Variants in LYPD6B observed in about 807,000 individuals in gnomAD.
LYPD6B encodes the protein LY6/PLAUR domain containing 6B.
In LYPD6B, 17 loss-of-function variants were observed where a neutral mutation model predicts 22.8. The ratio of observed to expected loss-of-function variants is 0.75; its 90% CI spans 0.51 to 1.12. The LOEUF (loss-of-function observed/expected upper bound fraction) is 1.12. Ranked by LOEUF, LYPD6B falls within the 50% of genes most tolerant of loss-of-function variation. LYPD6B has a pLI of 0.00. For missense variants in LYPD6B, 221 were observed against 258.3 expected (o/e 0.86, Z 0.99); for synonymous variants, 106 against 91.6 (o/e 1.16, Z -0.90).
chr2:149,041,147 A>G (rs1164497651), intron 1 of LYPD6B, among the ~76,000 whole-genome samples: 1 of 150,898 alleles, frequency 6.6e-6, no homozygotes, highest in Admixed American at 6.6e-5. Context: ...TCTAGGAGAA[A>G]AATTCTAGGC....
intron 3 of LYPD6B, among the ~76,000 whole-genome samples, chr2:149,165,544 A>G (rs1690364704): frequency 6.6e-6 from 1 of 152,200 alleles, no homozygotes; most frequent in South Asian, 2.1e-4. Context: ...CAACACAAGC[A>G]GGCACTAATA....
At chr2:149,213,156 T>G (rs1693983896) in intron 6 of LYPD6B, 34 bp downstream of exon 6, 6 of 1,610,984 alleles carry the variant, frequency 3.7e-6, no homozygotes, top group Non-Finnish European at 5.1e-6. Context: ...TTGTCTAAAC[T>G]TTCATCCTAG....
chr2:149,158,377 G>A (rs1432384030), intron 2 of LYPD6B, among the ~76,000 whole-genome samples: 5 of 152,176 alleles, frequency 3.3e-5, no homozygotes, highest in African/African-American at 1.2e-4. Flanking sequence ...CCACATGGAT[G>A]AAACTTGAAA....
chr2:149,098,642 A>G (rs898992445), intron 1 of LYPD6B, among the ~76,000 whole-genome samples: 5 of 150,568 alleles, frequency 3.3e-5, no homozygotes, highest in South Asian at 2.1e-4. Flanking sequence ...AAAAAAAAAA[A>G]AAAAAAAGAA....
intron 1 of LYPD6B, among the ~76,000 whole-genome samples, chr2:149,046,134 T>C (rs574042387): frequency 6.6e-6 from 1 of 152,320 alleles, no homozygotes; most frequent in South Asian, 2.1e-4. Context: ...CCCTTTCTTA[T>C]TATGTGATGT....
At chr2:149,180,654 G>A (rs1459308003) in intron 3 of LYPD6B, among the ~76,000 whole-genome samples, 1 of 152,212 alleles carries the variant, frequency 6.6e-6, no homozygotes, top group Non-Finnish European at 1.5e-5. Context: ...ACAGGCTCCC[G>A]GTCTCACTTC....
intron 1 of LYPD6B, among the ~76,000 whole-genome samples, chr2:149,116,449 A>C (rs1045065361): frequency 6.6e-6 from 1 of 152,156 alleles, no homozygotes; most frequent in Non-Finnish European, 1.5e-5. Context: ...AGGTATAAAG[A>C]ATTCTTAAAA....
intron 2 of LYPD6B, among the ~76,000 whole-genome samples, chr2:149,147,876 TTGGC>T (rs1364601790): frequency 4.2e-4 from 62 of 148,484 alleles, no homozygotes; most frequent in Non-Finnish European, 1.3e-4. Flanking sequence ...GCTTGGCTGA[TTGGC>T]TGATTGCAAA....
At chr2:149,095,236 C>T (rs1685850131) in intron 1 of LYPD6B, among the ~76,000 whole-genome samples, 1 of 152,096 alleles carries the variant, frequency 6.6e-6, no homozygotes, top group South Asian at 2.1e-4. Context: ...GCAGAGGTTG[C>T]AGTGAGCTGA....
At position 149,212,338 on chromosome 2, in the gene LYPD6B, C is replaced by T. The variant is rs376466454; in HGVS notation, c.329-654C>T. Among the ~76,000 whole-genome samples, 18 of 130,686 alleles carry T rather than the reference C, an allele frequency of 1.4e-4. No homozygotes were observed. The Admixed American group carries it at 1.5e-3, about 11-fold the overall frequency. 85.7% of individuals were successfully genotyped at this position (130,686 alleles called of 152,430 possible). On this transcript the variant is annotated intron_variant, in intron 5 of 6. Coordinates refer to ENST00000409642, the MANE Select transcript of LYPD6B (RefSeq NM_177964.5). ...CAGGGCTTGCAGTGAGCCGAGATCACGCCACTGCACTCCAGCCTGGGGACA... is the reference window on the plus strand; with the variant it reads ...CAGGGCTTGCAGTGAGCCGAGATCATGCCACTGCACTCCAGCCTGGGGACA...
intron 1 of LYPD6B, chr2:149,068,825 C>T (rs1684460666): frequency 9.8e-6 from 4 of 408,710 alleles, no homozygotes; most frequent in South Asian, 8.4e-5. Context: ...ACATCATGTG[C>T]CTGAGAAGTC....
At chr2:149,200,118 A>C (rs150063234) in intron 3 of LYPD6B, among the ~76,000 whole-genome samples, 67 of 152,296 alleles carry the variant, frequency 4.4e-4, no homozygotes, top group African/African-American at 1.4e-3. Flanking sequence ...CCTGTTAAAG[A>C]TGTCATTAAA....
At chr2:149,114,704 C>T (rs757918622) in intron 1 of LYPD6B, among the ~76,000 whole-genome samples, 6 of 152,292 alleles carry the variant, frequency 3.9e-5, no homozygotes, top group South Asian at 2.1e-4. Flanking sequence ...TTCATTTTAA[C>T]GTCAACCAGT....
At position 149,214,823 on chromosome 2, in the gene LYPD6B, T is replaced by C. The variant is rs1160660174; in HGVS notation, c.*113T>C. ...TCTTGCACTTGGTGAAGAGTGCACA[T>C]TGGACCTCAAGGCGAAAGCCAGTGG... On this transcript the variant is annotated 3_prime_UTR_variant, in exon 7 of 7. Transcript: ENST00000409642. 2.9e-5 allele frequency: 33 copies of C among 1,134,266 alleles called. No homozygotes were observed. The highest frequency in any genetic ancestry group is 6.1e-5 in the African/African-American group (4 of 65,296). 70.3% of individuals were successfully genotyped at this position (1,134,266 alleles called of 1,614,324 possible).
At chr2:149,059,350 T>G (rs906313364) in intron 1 of LYPD6B, among the ~76,000 whole-genome samples, 1 of 152,206 alleles carries the variant, frequency 6.6e-6, no homozygotes, top group African/African-American at 2.4e-5. Flanking sequence ...GGAATGAATG[T>G]TTAGGAAGTA....
intron 1 of LYPD6B, among the ~76,000 whole-genome samples, chr2:149,120,383 ATT>A (rs869074241): frequency 1.5e-3 from 71 of 48,594 alleles, no homozygotes; most frequent in African/African-American, 6.6e-3. Context: ...ATATATATAT[ATT>A]TTTTTTTTTT....
At chr2:149,081,033 G>T (rs1300911714) in intron 1 of LYPD6B, among the ~76,000 whole-genome samples, 3 of 152,088 alleles carry the variant, frequency 2.0e-5, no homozygotes, top group African/African-American at 7.2e-5. Flanking sequence ...GTCCTTTCCT[G>T]AATTTAGTTG....
intron 1 of LYPD6B, among the ~76,000 whole-genome samples, chr2:149,064,443 A>G (rs1298348773): frequency 6.6e-6 from 1 of 152,234 alleles, no homozygotes; most frequent in Non-Finnish European, 1.5e-5. Context: ...ACTTTTGACA[A>G]CATGTCACCA....
chr2:149,190,200 T>C (rs1017394238), intron 3 of LYPD6B, among the ~76,000 whole-genome samples: 26 of 152,242 alleles, frequency 1.7e-4, no homozygotes, highest in African/African-American at 6.3e-4. Flanking sequence ...TTTTTCATAC[T>C]GTTCCCTCTC....
Sources: allele counts gnomAD v4.1 joint callset (sites outside exome capture counted in the v4.1 genomes callset), GRCh38; gene constraint gnomAD v4.1.1; transcripts MANE v1.5; gene names NCBI Gene and HGNC (gene_info 2026-07-23, HGNC 2026-07-21).